The following SLC7A1 variants were observed in gnomAD, a reference collection of about 807,000 sequenced individuals.
The protein encoded by SLC7A1 is solute carrier family 7 member 1.
In SLC7A1, 10 loss-of-function variants were observed where a neutral mutation model predicts 53.9. The observed-to-expected ratio is 0.19, with a 90% confidence interval of 0.11 to 0.31. The LOEUF is 0.31. Among genes scored for constraint, SLC7A1 ranks in the 10% least tolerant of loss-of-function variants. The pLI is 1.00. For synonymous variants in SLC7A1, 342 were observed against 338.7 expected (o/e 1.01, Z -0.11); for missense variants, 525 against 827.2 (o/e 0.63, Z 4.48).
intron 9 of SLC7A1, 52 bp from the exon 10 acceptor site, chr13:29,517,842 G>A (rs1485805768): frequency 6.9e-6 from 10 of 1,440,218 alleles, no homozygotes; most frequent in Non-Finnish European, 9.8e-6. Context: ...GCAAAATGAC[G>A]TGCACCAACT....
intron 2 of SLC7A1, among the ~76,000 whole-genome samples, chr13:29,545,508 C>T (rs1869876950): frequency 6.6e-6 from 1 of 152,224 alleles, no homozygotes; most frequent in Non-Finnish European, 1.5e-5. Context: ...CTGTGAGGCT[C>T]ACATGAGACA....
At chr13:29,579,534 T>A (rs960094825) in intron 1 of SLC7A1, among the ~76,000 whole-genome samples, 8 of 152,122 alleles carry the variant, frequency 5.3e-5, no homozygotes, top group African/African-American at 1.4e-4. Flanking sequence ...CTAATTTTTT[T>A]ATATTTTTAT....
At chr13:29,542,741 T>C (rs1474861368) in intron 2 of SLC7A1, among the ~76,000 whole-genome samples, 2 of 137,630 alleles carry the variant, frequency 1.5e-5, no homozygotes, top group African/African-American at 2.7e-5. Flanking sequence ...TTGGAGAGAG[T>C]AAATCAAAGA....
chr13:29,532,848 C>T lies in SLC7A1; in HGVS notation c.505G>A (p.Val169Met). 6.2e-7 allele frequency: 1 copy of T among 1,613,752 alleles called. No individual in the cohort carries two copies. Among genetic ancestry groups the T allele is most frequent in the Non-Finnish European group, 8.5e-7 (1 of 1,179,806 alleles). ...CCTGTCAAGATGAGAATTATGATCA[C>T]TGCGAATATGTCGGGGTTTTCAGCC... The part of the protein sequence containing the change: ...VLAENPDIFA[V>M]IIILILTGLL... Residue 169 changes from valine to methionine, a missense_variant, in exon 4 of 13, where the codon GTG (valine) becomes ATG (methionine). Physicochemically the swap from Val to Met is conservative, Grantham distance 21. Transcript: ENST00000380752.
At chr13:29,571,182 TCAC>T (rs1478683921) in intron 1 of SLC7A1, among the ~76,000 whole-genome samples, 1 of 152,156 alleles carries the variant, frequency 6.6e-6, no homozygotes, top group Non-Finnish European at 1.5e-5. Flanking sequence ...TATTTTGTAA[TCAC>T]CAAAGTACTA....
At chr13:29,578,190 C>A (rs1817577511) in intron 1 of SLC7A1, among the ~76,000 whole-genome samples, 1 of 152,088 alleles carries the variant, frequency 6.6e-6, no homozygotes, top group African/African-American at 2.4e-5. Flanking sequence ...TAGGGGCTGG[C>A]AAATGAGATT....
chr13:29,535,312 T>C (rs1869355711), intron 3 of SLC7A1, among the ~76,000 whole-genome samples: 1 of 152,228 alleles, frequency 6.6e-6, no homozygotes, highest in South Asian at 2.1e-4. Flanking sequence ...AAATAGCTAA[T>C]GATATGAGAA....
intron 1 of SLC7A1, among the ~76,000 whole-genome samples, chr13:29,581,563 A>G (rs957507504): frequency 6.6e-6 from 1 of 152,230 alleles, no homozygotes; most frequent in African/African-American, 2.4e-5. Context: ...AGTCAGCTGC[A>G]AAGAGGCTTA....
chr13:29,590,216 C>G (rs1449798898), intron 1 of SLC7A1, among the ~76,000 whole-genome samples: 3 of 152,230 alleles, frequency 2.0e-5, no homozygotes, highest in Non-Finnish European at 4.4e-5. Flanking sequence ...CCTACAGACC[C>G]AAGCACGGGA....
intron 1 of SLC7A1, among the ~76,000 whole-genome samples, chr13:29,585,267 C>T (rs1047656428): frequency 6.6e-6 from 1 of 152,200 alleles, no homozygotes; most frequent in South Asian, 2.1e-4. Context: ...AATTGACTCC[C>T]ATCCCCTAGT....
chr13:29,554,155 C>T (rs1413232219), intron 1 of SLC7A1, among the ~76,000 whole-genome samples: 4 of 152,206 alleles, frequency 2.6e-5, no homozygotes, highest in Non-Finnish European at 5.9e-5. Flanking sequence ...AAGCGTCACA[C>T]CGGCAATTTC....
At position 29,524,260 on chromosome 13, in the gene SLC7A1, A is replaced by G; in HGVS notation, c.705-7T>C. ...CTTCCCTTCTTTTGTGTCACTAGAAAAAAGAGCCGCAAACAAATGTCACGT... is the reference window on the plus strand; with the variant it reads ...CTTCCCTTCTTTTGTGTCACTAGAAGAAAGAGCCGCAAACAAATGTCACGT... On this transcript the variant is annotated splice_polypyrimidine_tract_variant and splice_region_variant and intron_variant, in intron 5 of 12. Coordinates refer to ENST00000380752, the MANE Select transcript of SLC7A1 (RefSeq NM_003045.5). 1 of 1,614,106 alleles carries G rather than the reference A, an allele frequency of 6.2e-7. No individual in the cohort carries two copies. Among genetic ancestry groups the G allele is most frequent in the Non-Finnish European group, 8.5e-7 (1 of 1,179,972 alleles).
chr13:29,574,170 T>C (rs2139172031), intron 1 of SLC7A1, among the ~76,000 whole-genome samples: 1 of 152,252 alleles, frequency 6.6e-6, no homozygotes, highest in South Asian at 2.1e-4. Flanking sequence ...AGTAGAATAG[T>C]AGGAGCTTAG....
Position 29,514,434 on chromosome 13 carries a change from G to A in SLC7A1, c.*46C>T, listed in dbSNP as rs1281588881. On this transcript the variant is annotated 3_prime_UTR_variant, in exon 13 of 13. Coordinates refer to ENST00000380752, the MANE Select transcript of SLC7A1 (RefSeq NM_003045.5). ...GTGGGGTGCCTCCCGGTCCTCTGGG[G>A]GCGTCCCTCGGGGCTGCTGCCACCT... 6.9e-6 allele frequency: 10 copies of A among 1,449,960 alleles called. No individual in the cohort carries two copies. Among genetic ancestry groups the A allele is most frequent in the Non-Finnish European group, 9.6e-6 (10 of 1,045,208 alleles). The allele number at this position is 1,449,960 out of a possible 1,614,324, so 89.8% of individuals were successfully genotyped here. A position where few individuals can be genotyped will look rare whatever the true frequency, so the allele number is the denominator to read the frequency against.
At chr13:29,539,135 T>C (rs760284768) in intron 2 of SLC7A1, among the ~76,000 whole-genome samples, 5 of 152,138 alleles carry the variant, frequency 3.3e-5, no homozygotes, top group Non-Finnish European at 5.9e-5. Context: ...GCCCTGCCTT[T>C]CTCTGTCCTG....
intron 1 of SLC7A1, among the ~76,000 whole-genome samples, chr13:29,557,288 A>T (rs1417862805): frequency 6.6e-6 from 1 of 152,184 alleles, no homozygotes; most frequent in Admixed American, 6.5e-5. Flanking sequence ...ATGTGGCTAT[A>T]TTATAATACA....
chr13:29,587,864 C>T (rs905806600), intron 1 of SLC7A1, among the ~76,000 whole-genome samples: 1 of 152,172 alleles, frequency 6.6e-6, no homozygotes, highest in Non-Finnish European at 1.5e-5. Context: ...TGCGGGGCTC[C>T]TGACTAGTGT....
At chr13:29,567,150 C>G (rs1342489958) in intron 1 of SLC7A1, among the ~76,000 whole-genome samples, 2 of 152,194 alleles carry the variant, frequency 1.3e-5, no homozygotes, top group African/African-American at 4.8e-5. Flanking sequence ...AATACAAGCT[C>G]CTGTTTTAAT....
In SLC7A1 at chr13:29,514,070, C is replaced by T. The variant is rs561542317; in HGVS notation, c.*410G>A. 2.4e-4 allele frequency: 45 copies of T among 184,432 alleles called. No homozygotes were observed. The highest frequency in any genetic ancestry group is 2.6e-4 in the South Asian group (2 of 7,602). The allele number at this position is 184,432 out of a possible 1,614,324, so 11.4% of individuals were successfully genotyped here. A position where few individuals can be genotyped will look rare whatever the true frequency, so the allele number is the denominator to read the frequency against. On this transcript the variant is annotated 3_prime_UTR_variant, in exon 13 of 13. Coordinates refer to ENST00000380752, the MANE Select transcript of SLC7A1 (RefSeq NM_003045.5). The stretch of plus-strand genomic sequence containing the variant: ...CTGGGGCTGAGCGGGAAGATGGCTG[C>T]GAAAGTTTGGAGTATGCACAATTTC...
Sources: gnomAD v4.1 joint callset for allele counts (sites outside exome capture counted in the v4.1 genomes callset) on GRCh38, gnomAD v4.1.1 for gene constraint, MANE v1.5 for transcripts, NCBI Gene and HGNC (gene_info 2026-07-23, HGNC 2026-07-21) for gene names.